The following PPP1R42 variants were observed in gnomAD, a reference collection of about 807,000 sequenced individuals.
PPP1R42 encodes leucine rich repeat containing 67.
PPP1R42 carries 34 observed loss-of-function variants against 31.0 expected under a neutral mutation model. The observed-to-expected ratio is 1.10, with a 90% CI of 0.83 to 1.46. The LOEUF is 1.46. Ranked by LOEUF, PPP1R42 falls within the 40% of genes most tolerant of loss-of-function variation. The probability of loss-of-function intolerance (pLI) is 0.00; values close to 1 mark genes in which losing one functional copy is unlikely to be tolerated. For synonymous variants in PPP1R42, 103 were observed against 109.8 expected (o/e 0.94, Z 0.39); for missense variants, 268 against 303.0 (o/e 0.88, Z 0.86).
At chr8:66,983,543 TTAGA>T (rs1362640552) in intron 6 of PPP1R42, among the ~76,000 whole-genome samples, 2 of 152,116 alleles carry the variant, frequency 1.3e-5, no homozygotes, top group African/African-American at 2.4e-5. Flanking sequence ...GTTTTGAAAA[TTAGA>T]TAGTTTCTCT....
At chr8:66,968,565 A>C in intron 7 of PPP1R42, 1 of 809,652 alleles carries the variant, frequency 1.2e-6, no homozygotes, top group Non-Finnish European at 1.5e-6. Context: ...AATTTTCTAG[A>C]AACTAAAAAT....
At chr8:66,973,712 C>G (rs533316340) in intron 7 of PPP1R42, among the ~76,000 whole-genome samples, 1 of 152,042 alleles carries the variant, frequency 6.6e-6, no homozygotes, top group Admixed American at 6.6e-5. Context: ...CTTGTTTGGC[C>G]GAAACTTTAT....
At chr8:67,001,342 C>T (rs968494238) in intron 5 of PPP1R42, among the ~76,000 whole-genome samples, 7 of 148,388 alleles carry the variant, frequency 4.7e-5, no homozygotes, top group African/African-American at 1.7e-4. Flanking sequence ...TCACCATGCC[C>T]GGTTAAGATT....
At chr8:66,980,065 C>T (rs1483883643) in intron 7 of PPP1R42, among the ~76,000 whole-genome samples, 2 of 152,018 alleles carry the variant, frequency 1.3e-5, no homozygotes, top group Admixed American at 1.3e-4. Flanking sequence ...CTAGTTCTGC[C>T]CTTCACAGCC....
chr8:66,994,441 T>C (rs1033405216), intron 5 of PPP1R42, among the ~76,000 whole-genome samples: 3 of 152,248 alleles, frequency 2.0e-5, no homozygotes, highest in Non-Finnish European at 4.4e-5. Context: ...TGTGTTCCTT[T>C]AAATATCTTC....
intron 4 of PPP1R42, among the ~76,000 whole-genome samples, chr8:67,011,654 T>C (rs1238015344): frequency 1.3e-5 from 2 of 152,278 alleles, no homozygotes; most frequent in African/African-American, 4.8e-5. Context: ...TCAATCCATA[T>C]GTTCAGGAAC....
At chr8:66,964,671 A>G (rs1474541460) in intron 7 of PPP1R42, among the ~76,000 whole-genome samples, 1 of 152,200 alleles carries the variant, frequency 6.6e-6, no homozygotes, top group Non-Finnish European at 1.5e-5. Flanking sequence ...ATAATCATAC[A>G]TATCAATTTA....
intron 7 of PPP1R42, among the ~76,000 whole-genome samples, chr8:66,969,421 CA>C (rs1047987273): frequency 2.0e-5 from 3 of 152,176 alleles, no homozygotes. Context: ...GTGATAATGA[CA>C]ATGGACATAA....
rs545453299 is a variant in PPP1R42, at chr8:66,979,726, A to T, written c.802+2323T>A. On this transcript the variant is annotated intron_variant, in intron 7 of 7. Transcript: ENST00000685739. The stretch of plus-strand genomic sequence containing the variant: ...ATTGGGGTTCCACACACATTTTAGG[A>T]TTTTTTTTCTATTTCTGTGAAAAAT... 1.2e-3 allele frequency among the ~76,000 whole-genome samples: 175 copies of T among 151,118 alleles called. 2 individuals carry two copies. The highest frequency in any genetic ancestry group is 2.7e-3 in the Admixed American group (41 of 15,172).
intron 5 of PPP1R42, among the ~76,000 whole-genome samples, chr8:66,997,211 G>A (rs1815358595): frequency 6.6e-6 from 1 of 152,062 alleles, no homozygotes; most frequent in Admixed American, 6.5e-5. Context: ...TAATCTTCAT[G>A]GCCACCCTAT....
intron 7 of PPP1R42, among the ~76,000 whole-genome samples, chr8:66,965,685 C>T (rs1814363128): frequency 6.6e-6 from 1 of 152,090 alleles, no homozygotes; most frequent in East Asian, 1.9e-4. Flanking sequence ...CTTTGGGAGG[C>T]TGAGGCAGGA....
intron 7 of PPP1R42, among the ~76,000 whole-genome samples, chr8:66,977,552 C>T (rs963243570): frequency 6.6e-6 from 1 of 152,022 alleles, no homozygotes; most frequent in Admixed American, 6.6e-5. Context: ...GTTTCCCAGG[C>T]TGGAGTGCAA....
chr8:66,998,890 C>G (rs1034744814), intron 5 of PPP1R42, among the ~76,000 whole-genome samples: 1 of 152,064 alleles, frequency 6.6e-6, no homozygotes, highest in Non-Finnish European at 1.5e-5. Context: ...ATAAGCCTCA[C>G]CTGGTCATTG....
At chr8:66,998,825 T>C (rs139731433) in intron 5 of PPP1R42, among the ~76,000 whole-genome samples, 2 of 152,326 alleles carry the variant, frequency 1.3e-5, no homozygotes, top group Non-Finnish European at 2.9e-5. Context: ...TTTATTCTGT[T>C]TGGTGAATTA....
At chr8:66,976,325 A>G (rs1189624019) in intron 7 of PPP1R42, among the ~76,000 whole-genome samples, 1 of 152,184 alleles carries the variant, frequency 6.6e-6, no homozygotes, top group Admixed American at 6.5e-5. Context: ...TGCAATGTTA[A>G]TAGAAATAAA....
chr8:66,967,970 A>T (rs1814432737), intron 7 of PPP1R42, among the ~76,000 whole-genome samples: 1 of 152,092 alleles, frequency 6.6e-6, no homozygotes, highest in Non-Finnish European at 1.5e-5. Flanking sequence ...ACTAAGGCTC[A>T]GGCACCTCCT....
chr8:67,017,493 A>G, intron 2 of PPP1R42, 126 bp downstream of exon 2: 1 of 484,572 alleles, frequency 2.1e-6, no homozygotes. Context: ...GAGAGACTCT[A>G]TCTCAAAAAA....
At chr8:67,009,835 A>G (rs1185959341) in intron 5 of PPP1R42, among the ~76,000 whole-genome samples, 10 of 152,210 alleles carry the variant, frequency 6.6e-5, no homozygotes, top group Non-Finnish European at 2.9e-5. Flanking sequence ...ATTTGGAAAC[A>G]AGGTCGACGT....
intron 7 of PPP1R42, among the ~76,000 whole-genome samples, chr8:66,976,438 G>T (rs1044614751): frequency 1.3e-5 from 2 of 152,080 alleles, no homozygotes; most frequent in African/African-American, 4.8e-5. Flanking sequence ...CCAGTCCCTG[G>T]TGCTACAAAG....
Sources: gnomAD v4.1 joint callset for allele counts (sites outside exome capture counted in the v4.1 genomes callset) on GRCh38, gnomAD v4.1.1 for gene constraint, MANE v1.5 for transcripts, NCBI Gene and HGNC (gene_info 2026-07-23, HGNC 2026-07-21) for gene names.